Variants in NUP58 observed in about 807,000 individuals in gnomAD.
The protein encoded by NUP58 is nucleoporin p58/p45.
A neutral mutation model predicts 70.1 loss-of-function variants in NUP58; 17 were observed. The observed-to-expected ratio is 0.24, with a 90% CI of 0.17 to 0.36. NUP58 has a LOEUF of 0.36. NUP58 is among the 10% of genes least tolerant of loss of function. The pLI is 1.00. For synonymous variants in NUP58, 275 were observed against 257.6 expected, an observed-to-expected ratio of 1.07 and a Z score of -0.65; for missense variants, 644 against 701.5, an observed-to-expected ratio of 0.92 and a Z score of 0.93.
At chr13:25,333,600 T>C (rs766891382) in intron 13 of NUP58, 47 of 985,318 alleles carry the variant, frequency 4.8e-5, no homozygotes, top group Non-Finnish European at 5.5e-5. Context: ...TTTCTCCTTT[T>C]GTTTCTCTAA....
Position 25,338,563 on chromosome 13 carries a change from G to C in NUP58, c.1535-73G>C. 4 of 1,065,832 alleles carry C rather than the reference G, an allele frequency of 3.8e-6. No homozygotes were observed. In the East Asian group the frequency reaches 9.6e-5, roughly 25 times the overall value. 66.0% of individuals were successfully genotyped at this position (1,065,832 alleles called of 1,614,324 possible). ...ATCTGTTAGACCTCTGATGATTTTCGGTTGTACTTGTCCATATCCTTTAAC... is the reference window on the plus strand; with the variant it reads ...ATCTGTTAGACCTCTGATGATTTTCCGTTGTACTTGTCCATATCCTTTAAC... On this transcript the variant is annotated intron_variant, in intron 14 of 15. Coordinates refer to ENST00000381736, the MANE Select transcript of NUP58 (RefSeq NM_014089.4).
chr13:25,344,025 A>G (rs548303652), downstream of NUP58, among the ~76,000 whole-genome samples: 1 of 152,020 alleles, frequency 6.6e-6, no homozygotes, highest in Non-Finnish European at 1.5e-5. Flanking sequence ...ATATACTCCT[A>G]CCAGCATGTA....
In NUP58 at chr13:25,340,104, T is replaced by G; in HGVS notation, c.1770T>G (p.Pro590=). 6.2e-7 allele frequency: 1 copy of G among 1,613,096 alleles called. No individual in the cohort carries two copies. The highest frequency in any genetic ancestry group is 8.5e-7 in the Non-Finnish European group (1 of 1,179,688). Reference sequence around the variant, plus strand: ...GACAACTCCTTCAGTTGAAGAAACCTCCAGCTGGAAACAAAAGAGGAAAAA... The same window carrying G: ...GACAACTCCTTCAGTTGAAGAAACCGCCAGCTGGAAACAAAAGAGGAAAAA... ...TGGQLLQLKK[P]PAGNKRGKR Residue 590 remains proline, a synonymous_variant, in exon 16 of 16, where the codon CCT becomes CCG. Coordinates refer to ENST00000381736, the MANE Select transcript of NUP58 (RefSeq NM_014089.4).
chr13:25,312,198 CAG>C (rs2030702810), intron 3 of NUP58, among the ~76,000 whole-genome samples: 3 of 151,636 alleles, frequency 2.0e-5, no homozygotes, highest in African/African-American at 4.9e-5. Context: ...TGGGGGCTGA[CAG>C]AGACACAAGG....
At position 25,333,409 on chromosome 13, in the gene NUP58, G is replaced by A. The variant is rs568626412; in HGVS notation, c.1435+1851G>A. The A allele has an allele frequency of 9.1e-5, 90 of 985,368 alleles. No homozygotes were observed. In the African/African-American group the frequency reaches 1.5e-3, roughly 17 times the overall value. The allele number at this position is 985,368 out of a possible 1,614,324, so 61.0% of individuals were successfully genotyped here. A position where few individuals can be genotyped will look rare whatever the true frequency, so the allele number is the denominator to read the frequency against. ...TCTGTGACTTTTGCCAGGCTTTGGG[G>A]AAATTGACTGCCTTCACTCTTCCCT... On this transcript the variant is annotated intron_variant, in intron 13 of 15. Coordinates refer to ENST00000381736, the MANE Select transcript of NUP58 (RefSeq NM_014089.4).
In NUP58 at chr13:25,334,444, G is replaced by T. The variant is rs1271039217; in HGVS notation, c.1436-2492G>T. On this transcript the variant is annotated intron_variant, in intron 13 of 15. Transcript: ENST00000381736. The stretch of plus-strand genomic sequence containing the variant: ...TTAGGAATTCCTAATTTTTAGCTTA[G>T]TGTAGGTTTGGACATTTAAGGTGTA... The T allele has an allele frequency of 4.1e-6, 4 of 985,230 alleles. No homozygotes were observed. The East Asian group carries it at 4.5e-4, about 112-fold the overall frequency. 61.0% of individuals were successfully genotyped at this position (985,230 alleles called of 1,614,324 possible). A position where few individuals can be genotyped will look rare whatever the true frequency, so the allele number is the denominator to read the frequency against.
At position 25,301,744 on chromosome 13, in the gene NUP58, C is replaced by A; in HGVS notation, c.-30C>A. The A allele has an allele frequency of 6.8e-7, 1 of 1,476,812 alleles. No homozygotes were observed. The allele number at this position is 1,476,812 out of a possible 1,614,324, so 91.5% of individuals were successfully genotyped here. A position where few individuals can be genotyped will look rare whatever the true frequency, so the allele number is the denominator to read the frequency against. ...GAGAAGTGTCCCAGACCCATTTCGC[C>A]TTGCTGACGGCGTCGAGCCCTGGCC... On this transcript the variant is annotated 5_prime_UTR_variant, in exon 1 of 16. Coordinates refer to ENST00000381736, the MANE Select transcript of NUP58 (RefSeq NM_014089.4).
At chr13:25,324,202 AAC>A (rs1491111179) in intron 9 of NUP58, among the ~76,000 whole-genome samples, 1 of 152,142 alleles carries the variant, frequency 6.6e-6, no homozygotes, top group Admixed American at 6.5e-5. Flanking sequence ...ATGTAGAAAA[AAC>A]AGTCATCAGC....
chr13:25,311,763 T>G (rs560812633), intron 3 of NUP58, among the ~76,000 whole-genome samples: 1 of 151,550 alleles, frequency 6.6e-6, no homozygotes, highest in South Asian at 2.1e-4. Flanking sequence ...AAATAAATGC[T>G]GTTGTAGTAG....
At chr13:25,308,195 A>T (rs2030472101) in intron 2 of NUP58, 1 of 337,362 alleles carries the variant, frequency 3.0e-6, no homozygotes, top group African/African-American at 2.1e-5. Context: ...TGGATTATAT[A>T]ATGTAGTGTT....
intron 10 of NUP58, among the ~76,000 whole-genome samples, chr13:25,325,292 T>C (rs1390427100): frequency 6.6e-6 from 1 of 152,230 alleles, no homozygotes; most frequent in Non-Finnish European, 1.5e-5. Flanking sequence ...TTTTCACCAC[T>C]ATTACGCATT....
chr13:25,318,449 T>G (rs1480641703), intron 6 of NUP58, among the ~76,000 whole-genome samples: 1 of 152,166 alleles, frequency 6.6e-6, no homozygotes, highest in Admixed American at 6.5e-5. Flanking sequence ...TTTTTCACAT[T>G]TTAACATCTC....
intron 10 of NUP58, among the ~76,000 whole-genome samples, 159 bp from the exon 11 acceptor site, chr13:25,326,757 C>T: frequency 6.6e-6 from 1 of 152,166 alleles, no homozygotes; most frequent in East Asian, 1.9e-4. Context: ...TGTAATTTCT[C>T]CTTAATATCT....
downstream of NUP58, among the ~76,000 whole-genome samples, chr13:25,346,829 T>A (rs1356012559): frequency 6.6e-6 from 1 of 152,084 alleles, no homozygotes; most frequent in Admixed American, 6.6e-5. Context: ...TGAATATGGT[T>A]TATATTTTAT....
At chr13:25,321,628 A>G (rs1455553626) in intron 9 of NUP58, among the ~76,000 whole-genome samples, 1 of 152,220 alleles carries the variant, frequency 6.6e-6, no homozygotes, top group Admixed American at 6.5e-5. Flanking sequence ...TTAGTTTAAA[A>G]ATAGTAGGCC....
At chr13:25,309,737 A>G (rs990733645) in intron 3 of NUP58, among the ~76,000 whole-genome samples, 2 of 152,246 alleles carry the variant, frequency 1.3e-5, no homozygotes, top group Non-Finnish European at 2.9e-5. Context: ...GCTAAAGGGA[A>G]TGTGAATAAC....
chr13:25,333,504 C>T (rs1400351071), intron 13 of NUP58: 1 of 985,202 alleles, frequency 1.0e-6, no homozygotes, highest in African/African-American at 1.7e-5. Context: ...ACCTAAACAA[C>T]CTTACAGTGT....
In NUP58 at chr13:25,336,953, G is replaced by C. The variant is rs762447042; in HGVS notation, c.1453G>C (p.Gly485Arg). 6.2e-7 allele frequency: 1 copy of C among 1,600,820 alleles called. No individual in the cohort carries two copies. The highest frequency in any genetic ancestry group is 8.5e-7 in the Non-Finnish European group (1 of 1,175,704). ...QPATGPQPSL[G>R]VSFGTPFGSG... ...TATACCAGGGCCACAGCCATCTCTG[G>C]GAGTTAGTTTTGGAACGCCATTCGG... is the stretch of plus-strand genomic sequence containing the variant. The change falls in exon 14 of 16, where the codon GGA becomes CGA. Residue 485 changes from glycine (G) to arginine (R), a missense_variant. By Grantham distance (125) the Gly-to-Arg change is moderately radical. This residue lies in a region of NUP58 where 132 missense variants were observed against 203.9 expected (regional missense o/e 0.65). Coordinates refer to ENST00000381736, the MANE Select transcript of NUP58 (RefSeq NM_014089.4).
intron 6 of NUP58, among the ~76,000 whole-genome samples, chr13:25,316,161 A>G (rs992197007): frequency 2.6e-5 from 4 of 152,178 alleles, no homozygotes; most frequent in African/African-American, 9.7e-5. Flanking sequence ...GCTTTCCCAG[A>G]AAGATTTTAC....
Sources: allele counts gnomAD v4.1 joint callset (sites outside exome capture counted in the v4.1 genomes callset), GRCh38; gene constraint gnomAD v4.1.1; regional missense constraint gnomAD v4.1.1; transcripts MANE v1.5; gene names NCBI Gene and HGNC (gene_info 2026-07-23, HGNC 2026-07-21).